LRBA: variants seen among roughly 807,000 people sequenced by gnomAD.
LRBA encodes the protein LPS responsive beige-like anchor protein.
A neutral mutation model predicts 330.0 loss-of-function variants in LRBA; 176 were observed. The observed-to-expected ratio is 0.53, with a 90% CI of 0.47 to 0.60. LRBA has a LOEUF of 0.60. Among genes scored for constraint, LRBA ranks in the 20% least tolerant of loss-of-function variants. The probability of loss-of-function intolerance (pLI) is 0.00; values close to 1 mark genes in which losing one functional copy is unlikely to be tolerated. For missense variants in LRBA, 3,259 were observed against 3,444.8 expected, an observed-to-expected ratio of 0.95 and a Z score of 1.35; for synonymous variants, 1,230 against 1,193.0, an observed-to-expected ratio of 1.03 and a Z score of -0.64.
At chr4:150,358,318 T>G (rs370980650) in intron 47 of LRBA, among the ~76,000 whole-genome samples, 15 of 152,154 alleles carry the variant, frequency 9.9e-5, no homozygotes, top group Non-Finnish European at 2.2e-4. Flanking sequence ...AATAACCTCC[T>G]AAGAATGTGA....
Position 150,714,966 on chromosome 4 carries a change from C to T in LRBA, c.5754+20292G>A, listed in dbSNP as rs117866350. ...AGATAAGATTGCAAAGAACAAATAACTTCACTGTTTGCTTCAGGAACACCA... is the reference window on the plus strand; with the variant it reads ...AGATAAGATTGCAAAGAACAAATAATTTCACTGTTTGCTTCAGGAACACCA... On this transcript the variant is annotated intron_variant, in intron 36 of 56. Coordinates refer to ENST00000651943, the MANE Select transcript of LRBA (RefSeq NM_001364905.1). 3.9e-5 allele frequency among the ~76,000 whole-genome samples: 6 copies of T among 152,228 alleles called. No individual in the cohort carries two copies. In the East Asian group the frequency reaches 1.2e-3, roughly 29 times the overall value.
intron 40 of LRBA, among the ~76,000 whole-genome samples, chr4:150,507,156 G>T (rs76197969): frequency 6.6e-6 from 1 of 150,488 alleles, no homozygotes; most frequent in Non-Finnish European, 1.5e-5. Context: ...TACTGCCCAA[G>T]GTAATTTATA....
At chr4:150,884,776 C>CA (rs1307828748) in intron 17 of LRBA, among the ~76,000 whole-genome samples, 9 of 150,654 alleles carry the variant, frequency 6.0e-5, no homozygotes, top group African/African-American at 1.5e-4. Context: ...ACTATATATG[C>CA]AAAAAAACAA....
intron 38 of LRBA, among the ~76,000 whole-genome samples, chr4:150,598,241 G>A (rs1773720186): frequency 6.6e-6 from 1 of 151,926 alleles, no homozygotes. Flanking sequence ...TTAATGTGGG[G>A]AGGAGCATTT....
intron 37 of LRBA, among the ~76,000 whole-genome samples, chr4:150,648,158 C>CAAAAAAAAAAAAAAAA: frequency 0.012 from 218 of 18,006 alleles, 28 homozygotes; most frequent in East Asian, 0.023. Context: ...ACACAAGTAG[C>CAAAAAAAAAAAAAAAA]AAAAAAAAAA....
chr4:150,897,309 T>A (rs550733729), intron 15 of LRBA, among the ~76,000 whole-genome samples: 1 of 152,102 alleles, frequency 6.6e-6, no homozygotes, highest in East Asian at 1.9e-4. Flanking sequence ...TGTAATAGAA[T>A]GAAAAGGGAC....
intron 37 of LRBA, among the ~76,000 whole-genome samples, chr4:150,655,904 G>A (rs1404329620): frequency 1.3e-5 from 2 of 152,150 alleles, no homozygotes; most frequent in East Asian, 3.8e-4. Context: ...TTACTGTATT[G>A]TGTTGGGGGG....
chr4:150,991,514 T>C (rs553162555), intron 2 of LRBA, among the ~76,000 whole-genome samples: 4 of 152,350 alleles, frequency 2.6e-5, no homozygotes, highest in African/African-American at 7.2e-5. Context: ...TGCAACGACA[T>C]AGAGGAATCT....
intron 2 of LRBA, among the ~76,000 whole-genome samples, chr4:150,988,001 CAA>C (rs545392419): frequency 3.1e-4 from 21 of 68,542 alleles, no homozygotes; most frequent in East Asian, 1.7e-3. Flanking sequence ...GACTCCGTCT[CAA>C]AAAAAAAAAA....
chr4:150,864,647 T>C (rs1752442139), intron 22 of LRBA, among the ~76,000 whole-genome samples: 1 of 143,382 alleles, frequency 7.0e-6, no homozygotes, highest in African/African-American at 2.6e-5. Flanking sequence ...CCACGTTCTT[T>C]TTTTTTTTTT....
intron 37 of LRBA, among the ~76,000 whole-genome samples, chr4:150,678,459 G>T (rs1782766803): frequency 6.6e-6 from 1 of 152,012 alleles, no homozygotes; most frequent in South Asian, 2.1e-4. Context: ...CTAGAAAAAT[G>T]AGCATATAGG....
chr4:150,636,321 G>A (rs1237111126), intron 37 of LRBA, among the ~76,000 whole-genome samples: 1 of 151,726 alleles, frequency 6.6e-6, no homozygotes, highest in Non-Finnish European at 1.5e-5. Flanking sequence ...TTATTCAACG[G>A]ATTATAATTT....
At chr4:150,795,364 AAC>A (rs1740638131) in intron 34 of LRBA, among the ~76,000 whole-genome samples, 1 of 152,076 alleles carries the variant, frequency 6.6e-6, no homozygotes, top group African/African-American at 2.4e-5. Flanking sequence ...AACCACCTGA[AAC>A]ACAGTTGAGA....
rs199885285 is a variant in LRBA, at chr4:150,583,229, A to G, written c.6330+4819T>C. On this transcript the variant is annotated intron_variant, in intron 40 of 56. Transcript: ENST00000651943. The surrounding 1 kb of genome is among the most constrained non-coding windows in gnomAD (Gnocchi z 9.8). ...ATCGATGCCCGCTACGAGGGGCTCG[A>G]GGTCATTTCGCCCACCGAATTTGAG... is the stretch of plus-strand genomic sequence containing the variant. 7.7e-5 allele frequency: 125 copies of G among 1,614,068 alleles called. No homozygotes were observed. The highest frequency in any genetic ancestry group is 1.0e-4 in the Non-Finnish European group (118 of 1,180,052).
At chr4:150,599,605 A>T (rs1361647687) in intron 37 of LRBA, among the ~76,000 whole-genome samples, 1 of 152,230 alleles carries the variant, frequency 6.6e-6, no homozygotes, top group East Asian at 1.9e-4. Context: ...CTTTTTGCAC[A>T]AGGTCAGTAA....
chr4:150,505,870 C>T (rs1195328412), intron 40 of LRBA, among the ~76,000 whole-genome samples: 3 of 151,904 alleles, frequency 2.0e-5, no homozygotes, highest in African/African-American at 4.8e-5. Flanking sequence ...ATCAAACAGA[C>T]GTAATAAAAA....
At chr4:150,975,824 G>A (rs1484311142) in intron 2 of LRBA, among the ~76,000 whole-genome samples, 1 of 151,958 alleles carries the variant, frequency 6.6e-6, no homozygotes, top group Non-Finnish European at 1.5e-5. Flanking sequence ...GGAAATATGG[G>A]ACAGTATCCA....
chr4:150,597,094 T>C (rs1277107370), intron 38 of LRBA: 1 of 1,399,382 alleles, frequency 7.1e-7, no homozygotes, highest in Non-Finnish European at 9.9e-7. Flanking sequence ...TTTGCTGTTC[T>C]CTCTCAATTT....
chr4:150,807,510 C>G (rs959383161), intron 32 of LRBA, among the ~76,000 whole-genome samples: 1 of 152,146 alleles, frequency 6.6e-6, no homozygotes, highest in Admixed American at 6.5e-5. Context: ...AAAATACACT[C>G]AAAGCATTCG....
Sources: gnomAD v4.1 joint callset for allele counts (sites outside exome capture counted in the v4.1 genomes callset) on GRCh38, gnomAD v4.1.1 for gene constraint, Gnocchi (gnomAD v3.1) non-coding constraint, MANE v1.5 for transcripts, NCBI Gene and HGNC (gene_info 2026-07-23, HGNC 2026-07-21) for gene names.